The following EEF2K variants were observed in gnomAD, a reference collection of about 807,000 sequenced individuals.
The protein encoded by EEF2K is eukaryotic elongation factor 2 kinase.
A neutral mutation model predicts 93.8 loss-of-function variants in EEF2K; 70 were observed. That is an observed-to-expected ratio of 0.75 (90% CI 0.62 to 0.91). The LOEUF (loss-of-function observed/expected upper bound fraction) is 0.91, where lower values mean the gene tolerates loss of function less well. Among genes scored for constraint, EEF2K ranks in the 40% least tolerant of loss-of-function variants. The probability of loss-of-function intolerance (pLI) is 0.00; values close to 1 mark genes in which losing one functional copy is unlikely to be tolerated. For synonymous variants in EEF2K, 376 were observed against 380.8 expected (o/e 0.99, Z 0.15); for missense variants, 935 against 972.9 (o/e 0.96, Z 0.52).
intron 14 of EEF2K, 32 bp downstream of exon 14, chr16:22,266,556 T>C: frequency 6.2e-7 from 1 of 1,612,250 alleles, no homozygotes; most frequent in Middle Eastern, 1.7e-4. Context: ...GAGCCCTGTC[T>C]GCACTAACCT....
intron 15 of EEF2K, among the ~76,000 whole-genome samples, chr16:22,269,797 A>G (rs1233498189): frequency 2.0e-5 from 3 of 152,130 alleles, no homozygotes; most frequent in East Asian, 3.8e-4. Context: ...GGCCCAGTAC[A>G]CGGTTTCCAT....
At chr16:22,216,117 G>A (rs934169251) in intron 1 of EEF2K, among the ~76,000 whole-genome samples, 19 of 152,136 alleles carry the variant, frequency 1.2e-4, no homozygotes, top group African/African-American at 4.6e-4. Flanking sequence ...TTCAAACCCT[G>A]GCCATGCGGC....
In EEF2K at chr16:22,284,111, A is replaced by C; in HGVS notation, c.*115A>C. 1.1e-6 allele frequency: 1 copy of C among 944,560 alleles called. No homozygotes were observed. Among genetic ancestry groups the C allele is most frequent in the Middle Eastern group, 2.2e-4 (1 of 4,596 alleles). The allele number at this position is 944,560 out of a possible 1,614,324, so 58.5% of individuals were successfully genotyped here. A position where few individuals can be genotyped will look rare whatever the true frequency, so the allele number is the denominator to read the frequency against. ...GGGGAAGCATTTTTAAGTGTGTTGT[A>C]AAATCAAATTTTATATTTCATTTTT... On this transcript the variant is annotated 3_prime_UTR_variant, in exon 18 of 18. Transcript: ENST00000263026.
intron 1 of EEF2K, among the ~76,000 whole-genome samples, chr16:22,210,814 G>A (rs143630675): frequency 1.8e-3 from 268 of 152,278 alleles, no homozygotes; most frequent in African/African-American, 5.6e-3. Context: ...ACCAGACAGA[G>A]GGCATAGCAT....
Position 22,286,839 on chromosome 16 carries a change from CTCTGGT to C in EEF2K, c.*2846_*2851del, listed in dbSNP as rs2047758025. On this transcript the variant is annotated 3_prime_UTR_variant, in exon 18 of 18. Transcript: ENST00000263026. ...TAGTCAGTGCACTCACCCTTTGAGG[CTCTGGT>C]TCCTCCAAACAATGATTCGTTGTCT... is the stretch of plus-strand genomic sequence containing the variant. The C allele has an allele frequency of 6.6e-6, 1 of 152,232 alleles. No individual in the cohort carries two copies. 9.4% of individuals were successfully genotyped at this position (152,232 alleles called of 1,614,324 possible). A position where few individuals can be genotyped will look rare whatever the true frequency, so the allele number is the denominator to read the frequency against.
At chr16:22,247,864 C>A (rs2047310960) in intron 3 of EEF2K, among the ~76,000 whole-genome samples, 1 of 152,088 alleles carries the variant, frequency 6.6e-6, no homozygotes, top group South Asian at 2.1e-4. Context: ...GGGACCCTTA[C>A]CCTCCACTGT....
intron 16 of EEF2K, among the ~76,000 whole-genome samples, chr16:22,275,440 T>C (rs2047625214): frequency 2.6e-5 from 4 of 152,098 alleles, no homozygotes; most frequent in Admixed American, 2.6e-4. Context: ...CCTCCTGGGT[T>C]CAAGTGATTC....
At chr16:22,229,492 C>A (rs900604141) in intron 2 of EEF2K, among the ~76,000 whole-genome samples, 1 of 152,118 alleles carries the variant, frequency 6.6e-6, no homozygotes, top group African/African-American at 2.4e-5. Context: ...CACCTGAGGT[C>A]AGGAGTTTGA....
At chr16:22,266,994 C>T (rs2047531263) in intron 15 of EEF2K, 118 bp downstream of exon 15, 8 of 1,271,178 alleles carry the variant, frequency 6.3e-6, no homozygotes, top group African/African-American at 4.5e-5. Flanking sequence ...GAGGTTTATG[C>T]ATGCCACAAA....
At chr16:22,225,628 C>T in intron 1 of EEF2K, 26 bp from the exon 2 acceptor site, 1 of 1,525,756 alleles carries the variant, frequency 6.6e-7, no homozygotes, top group Non-Finnish European at 8.8e-7. Context: ...CCAGCACCCA[C>T]TCTCTGGCCC....
intron 10 of EEF2K, 112 bp downstream of exon 10, chr16:22,258,807 A>G (rs763605770): frequency 1.2e-4 from 171 of 1,428,870 alleles, no homozygotes; most frequent in Non-Finnish European, 1.6e-4. Context: ...GAAAAGGTTC[A>G]TGGCCCCAGT....
intron 1 of EEF2K, among the ~76,000 whole-genome samples, chr16:22,210,682 G>C (rs903505583): frequency 2.0e-5 from 3 of 152,154 alleles, no homozygotes; most frequent in African/African-American, 7.2e-5. Flanking sequence ...ATGAAGCTAA[G>C]AGCGACTAAC....
At chr16:22,250,076 C>T (rs2047333909) in intron 4 of EEF2K, among the ~76,000 whole-genome samples, 1 of 151,808 alleles carries the variant, frequency 6.6e-6, no homozygotes, top group Non-Finnish European at 1.5e-5. Context: ...ACCACTGTGC[C>T]CAGCCTTAAA....
At position 22,226,325 on chromosome 16, in the gene EEF2K, CTTTTTTTTTTTT is replaced by C. The variant is rs935058417; in HGVS notation, c.246+364_246+375del. Among the ~76,000 whole-genome samples, 558 of 63,664 alleles carry C rather than the reference CTTTTTTTTTTTT, an allele frequency of 8.8e-3. 1 individual carries two copies. The highest frequency in any genetic ancestry group is 0.015 in the Admixed American group (84 of 5,480). 41.8% of individuals were successfully genotyped at this position (63,664 alleles called of 152,430 possible). On this transcript the variant is annotated intron_variant, in intron 2 of 17. Transcript: ENST00000263026. The stretch of plus-strand genomic sequence containing the variant: ...CAGGCTGGAGTGCAGAGGTGCTGTT[CTTTTTTTTTTTT>C]TTTTTTTTTTTTTAAAGAAATGGAA...
At chr16:22,282,523 G>T (rs1163414982) in intron 17 of EEF2K, among the ~76,000 whole-genome samples, 2 of 152,216 alleles carry the variant, frequency 1.3e-5, no homozygotes, top group African/African-American at 4.8e-5. Context: ...GGTGTCAAGA[G>T]GTGGGACTGT....
chr16:22,265,900 G>A (rs896225427), intron 13 of EEF2K, among the ~76,000 whole-genome samples: 2 of 152,290 alleles, frequency 1.3e-5, no homozygotes, highest in South Asian at 4.1e-4. Flanking sequence ...GAGTCTTCTG[G>A]TGCCTTATAT....
intron 2 of EEF2K, among the ~76,000 whole-genome samples, chr16:22,236,100 T>C (rs2047165177): frequency 6.6e-6 from 1 of 152,026 alleles, no homozygotes; most frequent in South Asian, 2.1e-4. Flanking sequence ...CTGTGCCTGG[T>C]TTCCAGTTTT....
chr16:22,236,237 C>T (rs1171683512), intron 2 of EEF2K, among the ~76,000 whole-genome samples: 1 of 152,174 alleles, frequency 6.6e-6, no homozygotes, highest in Non-Finnish European at 1.5e-5. Context: ...ACTGTGTTCC[C>T]CCACTTCTTC....
At chr16:22,224,958 GA>G (rs962235542) in intron 1 of EEF2K, among the ~76,000 whole-genome samples, 115 of 140,624 alleles carry the variant, frequency 8.2e-4, no homozygotes, top group South Asian at 1.1e-3. Context: ...TGTCTCAGAA[GA>G]AAAAAAAAAA....
Sources: allele counts gnomAD v4.1 joint callset (sites outside exome capture counted in the v4.1 genomes callset), GRCh38; gene constraint gnomAD v4.1.1; transcripts MANE v1.5; gene names NCBI Gene and HGNC (gene_info 2026-07-23, HGNC 2026-07-21).